The following SHTN1 variants were observed in gnomAD, a reference collection of about 807,000 sequenced individuals.
SHTN1 encodes shootin-1.
SHTN1 carries 42 observed loss-of-function variants against 83.1 expected under a neutral mutation model. The ratio of observed to expected loss-of-function variants is 0.51; its 90% confidence interval spans 0.39 to 0.65. The LOEUF (loss-of-function observed/expected upper bound fraction) is 0.65. SHTN1 is among the 30% of genes least tolerant of loss of function. The pLI is 0.00. For synonymous variants in SHTN1, 224 were observed against 247.7 expected (o/e 0.90, Z 0.90); for missense variants, 622 against 737.8 (o/e 0.84, Z 1.82).
chr10:117,016,714 TC>T (rs1353293280), intron 2 of SHTN1, among the ~76,000 whole-genome samples: 2 of 152,170 alleles, frequency 1.3e-5, no homozygotes, highest in Non-Finnish European at 2.9e-5. Flanking sequence ...GCCAAATTAT[TC>T]CTTAATATAT....
intron 2 of SHTN1, among the ~76,000 whole-genome samples, chr10:116,975,304 T>C (rs1663353377): frequency 6.6e-6 from 1 of 152,144 alleles, no homozygotes; most frequent in African/African-American, 2.4e-5. Context: ...ATTCTGCTTG[T>C]GAGAGAGTTA....
chr10:117,106,714 TCTA>T (rs1317575524), intron 1 of SHTN1, among the ~76,000 whole-genome samples: 1 of 152,188 alleles, frequency 6.6e-6, no homozygotes, highest in Non-Finnish European at 1.5e-5. Context: ...AAACCTCACT[TCTA>T]CTATTTCTTT....
At chr10:117,048,425 G>C (rs1189929739) in intron 2 of SHTN1, 2 of 961,566 alleles carry the variant, frequency 2.1e-6, no homozygotes, top group African/African-American at 1.8e-5. Context: ...TAGACACATC[G>C]GCACGGTCTT....
intron 2 of SHTN1, among the ~76,000 whole-genome samples, chr10:116,976,159 G>A (rs181262690): frequency 6.6e-6 from 1 of 152,288 alleles, no homozygotes; most frequent in Non-Finnish European, 1.5e-5. Context: ...TCTGTGAAAT[G>A]GAGCAGACAC....
In SHTN1 at chr10:116,881,536, T is replaced by C. The variant is rs953823932; in HGVS notation, c.*4808A>G. 4.5e-6 allele frequency: 7 copies of C among 1,545,038 alleles called. No homozygotes were observed. Among genetic ancestry groups the C allele is most frequent in the East Asian group, 2.4e-5 (1 of 40,880 alleles). ...ATAGGTTTCAAAGAAGAACACACTTTTTTTTACTTTAATGAGGAAGCTGAA... is the reference window on the plus strand; with the variant it reads ...ATAGGTTTCAAAGAAGAACACACTTCTTTTTACTTTAATGAGGAAGCTGAA... On this transcript the variant is annotated 3_prime_UTR_variant, in exon 17 of 17. Transcript: ENST00000355371.
intron 1 of SHTN1, among the ~76,000 whole-genome samples, chr10:117,079,085 G>A (rs1025577859): frequency 7.9e-5 from 12 of 151,572 alleles, no homozygotes; most frequent in Admixed American, 2.6e-4. Flanking sequence ...TGCACATTGT[G>A]CAGGTTAGTT....
At chr10:116,987,003 A>C (rs978837527) in intron 1 of SHTN1, among the ~76,000 whole-genome samples, 2 of 152,086 alleles carry the variant, frequency 1.3e-5, no homozygotes, top group Non-Finnish European at 2.9e-5. Flanking sequence ...CTGGGATTAC[A>C]GGTGTGAACC....
chr10:117,070,279 G>A (rs1853061642), intron 1 of SHTN1, among the ~76,000 whole-genome samples: 1 of 152,084 alleles, frequency 6.6e-6, no homozygotes, highest in Admixed American at 6.5e-5. Flanking sequence ...GGAGTGGGGA[G>A]TTCTTGTTTA....
intron 2 of SHTN1, among the ~76,000 whole-genome samples, chr10:117,032,777 C>A (rs1461265004): frequency 6.6e-6 from 1 of 151,972 alleles, no homozygotes; most frequent in Non-Finnish European, 1.5e-5. Context: ...CAAAGATAGA[C>A]CATATGTTAG....
At chr10:117,030,183 G>A (rs1351969545) in intron 2 of SHTN1, among the ~76,000 whole-genome samples, 2 of 152,068 alleles carry the variant, frequency 1.3e-5, no homozygotes, top group Admixed American at 1.3e-4. Context: ...CACCATGCCC[G>A]ACCCTTTTCT....
chr10:117,068,281 T>C (rs1456273252), intron 1 of SHTN1, among the ~76,000 whole-genome samples: 1 of 152,042 alleles, frequency 6.6e-6, no homozygotes, highest in South Asian at 2.1e-4. Flanking sequence ...TCCCAGCTAC[T>C]CAGAAGGTTG....
chr10:117,023,424 T>C (rs989249878), intron 2 of SHTN1, among the ~76,000 whole-genome samples: 3 of 152,140 alleles, frequency 2.0e-5, no homozygotes, highest in East Asian at 1.9e-4. Flanking sequence ...ATACCAGACA[T>C]ATATATATGA....
At chr10:117,033,591 T>C (rs1324849729) in intron 2 of SHTN1, among the ~76,000 whole-genome samples, 2 of 152,176 alleles carry the variant, frequency 1.3e-5, no homozygotes, top group East Asian at 1.9e-4. Context: ...TGCTGAATTC[T>C]ACAAAACACT....
intron 1 of SHTN1, among the ~76,000 whole-genome samples, chr10:117,052,373 A>G (rs1317296267): frequency 6.6e-6 from 1 of 152,146 alleles, no homozygotes; most frequent in Non-Finnish European, 1.5e-5. Flanking sequence ...TATATATTCA[A>G]TGCAATCCCT....
At chr10:117,109,519 T>C (rs1460468452) in intron 1 of SHTN1, among the ~76,000 whole-genome samples, 1 of 43,710 alleles carries the variant, frequency 2.3e-5, no homozygotes, top group Non-Finnish European at 8.4e-5. Context: ...TTTTATACTT[T>C]TATAAAATTT....
chr10:117,096,536 G>A (rs1399923894), intron 1 of SHTN1, among the ~76,000 whole-genome samples: 8 of 152,146 alleles, frequency 5.3e-5, no homozygotes, highest in Admixed American at 5.2e-4. Flanking sequence ...ATCCTTGATG[G>A]AATCACATAC....
chr10:117,100,419 A>G (rs1171352750), intron 1 of SHTN1, among the ~76,000 whole-genome samples: 1 of 152,190 alleles, frequency 6.6e-6, no homozygotes, highest in Non-Finnish European at 1.5e-5. Context: ...CCCTTTATAG[A>G]AAAATTTGCC....
At chr10:117,048,401 C>A (rs1355556063) in intron 2 of SHTN1, 1 of 766,824 alleles carries the variant, frequency 1.3e-6, no homozygotes, top group Non-Finnish European at 1.6e-6. Context: ...CATTTTACAA[C>A]CTTCCCAGCT....
chr10:117,084,609 G>C (rs1195441379), intron 1 of SHTN1, among the ~76,000 whole-genome samples: 1 of 152,312 alleles, frequency 6.6e-6, no homozygotes, highest in African/African-American at 2.4e-5. Flanking sequence ...AGCAAGCCTG[G>C]GCAATGGTGG....
Sources: allele counts gnomAD v4.1 joint callset (sites outside exome capture counted in the v4.1 genomes callset), GRCh38; gene constraint gnomAD v4.1.1; transcripts MANE v1.5; gene names NCBI Gene and HGNC (gene_info 2026-07-23, HGNC 2026-07-21).